Variants in ZNF827 observed in about 807,000 individuals in gnomAD.
ZNF827 encodes the protein zinc finger protein 827.
A neutral mutation model predicts 102.4 loss-of-function variants in ZNF827; 13 were observed. The observed-to-expected ratio is 0.13, with a 90% CI of 0.08 to 0.20. The LOEUF (loss-of-function observed/expected upper bound fraction) is 0.20, where lower values mean the gene tolerates loss of function less well. Ranked by LOEUF, ZNF827 falls within the 10% of genes least tolerant of loss-of-function variation. The pLI is 1.00. For missense variants in ZNF827, 1,103 were observed against 1,344.4 expected (o/e 0.82, Z 2.81); for synonymous variants, 523 against 536.2 (o/e 0.98, Z 0.34).
At chr4:145,817,023 T>C (rs1742653484) in intron 8 of ZNF827, among the ~76,000 whole-genome samples, 1 of 152,192 alleles carries the variant, frequency 6.6e-6, no homozygotes, top group Non-Finnish European at 1.5e-5. Context: ...TATTTGTAAA[T>C]AAGCAATTAG....
intron 3 of ZNF827, among the ~76,000 whole-genome samples, chr4:145,891,686 G>C (rs1356795575): frequency 6.6e-6 from 1 of 152,162 alleles, no homozygotes; most frequent in African/African-American, 2.4e-5. Context: ...TTGTTAGAAA[G>C]GGCCCCCAAG....
chr4:145,787,464 GAAA>G (rs35041321), intron 8 of ZNF827, among the ~76,000 whole-genome samples: 9 of 83,218 alleles, frequency 1.1e-4, no homozygotes, highest in East Asian at 3.5e-4. Flanking sequence ...TCCGTCTCAG[GAAA>G]AAAAAAAAAA....
intron 1 of ZNF827, among the ~76,000 whole-genome samples, chr4:145,930,310 T>C (rs1753708566): frequency 6.6e-6 from 1 of 152,194 alleles, no homozygotes; most frequent in Non-Finnish European, 1.5e-5. Context: ...TCAGTCTCCT[T>C]TGAAGGCCAG....
chr4:145,799,441 ATG>A, intron 8 of ZNF827, among the ~76,000 whole-genome samples: 1 of 152,326 alleles, frequency 6.6e-6, no homozygotes, highest in South Asian at 2.1e-4. Context: ...ACTATTCAGG[ATG>A]AATGTAATAG....
chr4:145,786,913 T>A (rs1454590930), intron 8 of ZNF827, among the ~76,000 whole-genome samples: 1 of 152,218 alleles, frequency 6.6e-6, no homozygotes, highest in Non-Finnish European at 1.5e-5. Flanking sequence ...GTCACAGCTG[T>A]ACTGGAACAG....
chr4:145,835,584 T>C (rs1478715590), intron 7 of ZNF827, among the ~76,000 whole-genome samples: 2 of 149,990 alleles, frequency 1.3e-5, no homozygotes, highest in African/African-American at 2.5e-5. Flanking sequence ...CCGCCCTTCT[T>C]CCCAATCCAA....
chr4:145,768,132 T>A (rs1179774152), intron 11 of ZNF827, among the ~76,000 whole-genome samples: 1 of 152,230 alleles, frequency 6.6e-6, no homozygotes, highest in African/African-American at 2.4e-5. Context: ...AGTGGTTTAA[T>A]CAATCATTTG....
intron 8 of ZNF827, among the ~76,000 whole-genome samples, chr4:145,803,169 A>G (rs1249067771): frequency 6.6e-6 from 1 of 152,228 alleles, no homozygotes; most frequent in Non-Finnish European, 1.5e-5. Flanking sequence ...GCATACACAC[A>G]TATAAACAGG....
Position 145,761,128 on chromosome 4 carries a change from C to A in ZNF827, c.*488G>T. The A allele has an allele frequency of 7.8e-7, 1 of 1,289,638 alleles. No individual in the cohort carries two copies. The highest frequency in any genetic ancestry group is 1.2e-5 in the South Asian group (1 of 81,022). The allele number at this position is 1,289,638 out of a possible 1,614,324, so 79.9% of individuals were successfully genotyped here. A position where few individuals can be genotyped will look rare whatever the true frequency, so the allele number is the denominator to read the frequency against. On this transcript the variant is annotated 3_prime_UTR_variant, in exon 15 of 15. Coordinates refer to ENST00000508784, the MANE Select transcript of ZNF827 (RefSeq NM_001306215.2). The surrounding 1 kb of genome is among the most constrained non-coding windows in gnomAD (Gnocchi z 6.8). The stretch of plus-strand genomic sequence containing the variant: ...GCTCCCGACCACCAGGAGCGGGGCC[C>A]CCGGGCCGGCCGGTTCCTTGGGGGC...
At chr4:145,862,497 T>C (rs553166312) in intron 5 of ZNF827, among the ~76,000 whole-genome samples, 10 of 152,224 alleles carry the variant, frequency 6.6e-5, no homozygotes, top group Non-Finnish European at 1.3e-4. Flanking sequence ...TTCTTATTTA[T>C]ATTTCATTGT....
At chr4:145,934,906 T>A (rs1321612191) in intron 1 of ZNF827, among the ~76,000 whole-genome samples, 2 of 152,250 alleles carry the variant, frequency 1.3e-5, no homozygotes, top group Non-Finnish European at 2.9e-5. Flanking sequence ...TCCTTTTTTG[T>A]ATTCTAATTT....
intron 7 of ZNF827, among the ~76,000 whole-genome samples, chr4:145,840,682 A>AT (rs1745326996): frequency 6.6e-6 from 1 of 152,232 alleles, no homozygotes; most frequent in Admixed American, 6.5e-5. Flanking sequence ...TTTTTAAGGT[A>AT]ATATAGCATT....
intron 8 of ZNF827, among the ~76,000 whole-genome samples, chr4:145,814,707 T>C (rs932790341): frequency 6.8e-6 from 1 of 147,566 alleles, no homozygotes; most frequent in African/African-American, 2.5e-5. Context: ...GCGGATCACC[T>C]GAAGTCAGGA....
intron 8 of ZNF827, among the ~76,000 whole-genome samples, chr4:145,822,789 A>G (rs1011617514): frequency 8.5e-5 from 13 of 152,198 alleles, no homozygotes; most frequent in African/African-American, 2.7e-4. Flanking sequence ...CAGGATGGCC[A>G]TGCTGTGGAT....
chr4:145,923,980 G>A (rs1753254154), intron 1 of ZNF827, among the ~76,000 whole-genome samples: 1 of 152,174 alleles, frequency 6.6e-6, no homozygotes, highest in Admixed American at 6.5e-5. Context: ...GTTCACGGCA[G>A]TGCTGTTCAA....
intron 1 of ZNF827, among the ~76,000 whole-genome samples, chr4:145,912,025 T>C (rs1194823137): frequency 6.6e-6 from 1 of 152,228 alleles, no homozygotes; most frequent in East Asian, 1.9e-4. Context: ...ACAACATGCA[T>C]GCTTACTGAG....
intron 8 of ZNF827, among the ~76,000 whole-genome samples, chr4:145,793,971 C>A (rs1026919629): frequency 6.6e-6 from 1 of 152,160 alleles, no homozygotes; most frequent in African/African-American, 2.4e-5. Context: ...CAGCTCAGCT[C>A]CCTCTTCACC....
intron 1 of ZNF827, among the ~76,000 whole-genome samples, chr4:145,917,810 C>A (rs551521167): frequency 1.2e-4 from 18 of 151,084 alleles, no homozygotes; most frequent in African/African-American, 4.4e-4. Context: ...GGTTCTTGAC[C>A]TTTTGGGTGA....
chr4:145,894,710 T>C (rs1750848420), intron 2 of ZNF827, among the ~76,000 whole-genome samples: 1 of 152,158 alleles, frequency 6.6e-6, no homozygotes, highest in Non-Finnish European at 1.5e-5. Flanking sequence ...TAACAGGAAA[T>C]GAGGGTTTCC....
Sources: allele counts gnomAD v4.1 joint callset (sites outside exome capture counted in the v4.1 genomes callset), GRCh38; gene constraint gnomAD v4.1.1; non-coding constraint Gnocchi (gnomAD v3.1); transcripts MANE v1.5; gene names NCBI Gene and HGNC (gene_info 2026-07-23, HGNC 2026-07-21).